The following NAA38 variants were observed in gnomAD, a reference collection of about 807,000 sequenced individuals.
NAA38 encodes LSM domain containing 1.
NAA38 carries 15 observed loss-of-function variants against 12.6 expected under a neutral mutation model. The ratio of observed to expected loss-of-function variants is 1.19; its 90% CI spans 0.79 to 1.83. The LOEUF (loss-of-function observed/expected upper bound fraction) is 1.83. Among genes scored for constraint, NAA38 ranks in the 40% most tolerant of loss-of-function variants. NAA38 has a pLI of 0.00. For missense variants in NAA38, 183 were observed against 171.7 expected (o/e 1.07, Z -0.37); for synonymous variants, 88 against 69.9 (o/e 1.26, Z -1.29).
chr17:7,864,771 G>A (rs577036843), intron 3 of NAA38: 1 of 152,090 alleles, frequency 6.6e-6, no homozygotes, highest in African/African-American at 2.4e-5. Flanking sequence ...GGTGGCAAGT[G>A]CCTATAATCT....
intron 3 of NAA38, chr17:7,863,087 G>A (rs1966900973): frequency 6.6e-6 from 1 of 152,148 alleles, no homozygotes; most frequent in South Asian, 2.1e-4. Context: ...TTACAGGTAT[G>A]GGAGTGTATG....
intron 2 of NAA38, among the ~76,000 whole-genome samples, chr17:7,870,077 A>G (rs1967060090): frequency 6.6e-6 from 1 of 152,208 alleles, no homozygotes; most frequent in Non-Finnish European, 1.5e-5. Context: ...AGGATTATTC[A>G]GTTTCCATCA....
At chr17:7,857,597 C>A (rs1256521676), upstream of NAA38, 2 of 1,380,044 alleles carry the variant, frequency 1.4e-6, no homozygotes, top group East Asian at 5.5e-5. Context: ...GTCTCCTCGG[C>A]AACGGCACAG....
At chr17:7,885,106 C>A (rs1299386067) in intron 1 of NAA38, 2 of 983,010 alleles carry the variant, frequency 2.0e-6, no homozygotes, top group African/African-American at 1.8e-5. Flanking sequence ...CCCGACTCCC[C>A]CCCCAAGCCC....
intron 3 of NAA38, chr17:7,863,704 A>G (rs2151388204): frequency 6.6e-6 from 1 of 152,230 alleles, no homozygotes; most frequent in East Asian, 1.9e-4. Context: ...ATGGTGCTAT[A>G]ATTTCCATCA....
At chr17:7,880,610 T>C (rs1057031847) in intron 2 of NAA38, among the ~76,000 whole-genome samples, 2 of 152,186 alleles carry the variant, frequency 1.3e-5, no homozygotes, top group Admixed American at 1.3e-4. Context: ...CACATGACCT[T>C]ACAGAATTCA....
At chr17:7,862,294 C>G (rs959000773), upstream of NAA38, 1 of 152,162 alleles carries the variant, frequency 6.6e-6, no homozygotes, top group Non-Finnish European at 1.5e-5. Flanking sequence ...GTTAAGTGAA[C>G]TCATCCGTCT....
At chr17:7,884,659 T>TGGGGGAGGCGGTGAGGA in intron 1 of NAA38, 1 of 223,234 alleles carries the variant, frequency 4.5e-6, no homozygotes. Context: ...TTTGGGGGGC[T>TGGGGGAGGCGGTGAGGA]GGGGGAGGCG....
intron 3 of NAA38, chr17:7,865,711 G>A (rs1966954666): frequency 6.6e-6 from 1 of 152,150 alleles, no homozygotes; most frequent in African/African-American, 2.4e-5. Flanking sequence ...TGTGGGATGT[G>A]AGACATAATT....
At chr17:7,865,827 T>C (rs965875900) in intron 3 of NAA38, 15 of 152,232 alleles carry the variant, frequency 9.9e-5, no homozygotes, top group Admixed American at 9.8e-4. Flanking sequence ...TGAAGGGTTG[T>C]GTGTAGGGGA....
In NAA38 at chr17:7,872,619, G is replaced by C. The variant is rs188832141; in HGVS notation, c.-65-6061C>G. 2.3e-4 allele frequency among the ~76,000 whole-genome samples: 35 copies of C among 152,262 alleles called. 1 individual carries two copies. The highest frequency in any genetic ancestry group is 2.3e-3 in the Admixed American group (35 of 15,304). On this transcript the variant is annotated intron_variant, in intron 2 of 4. Coordinates refer to the NAA38 transcript ENST00000576861. ...CTTGTGATCCGCCCACCTCGGCCTC[G>C]CAAAGTGCTGGGATTATAGGCCTGA...
chr17:7,878,667 A>T (rs1233952445), intron 2 of NAA38, among the ~76,000 whole-genome samples: 1 of 152,338 alleles, frequency 6.6e-6, no homozygotes, highest in Non-Finnish European at 1.5e-5. Flanking sequence ...CAGAGGTTGC[A>T]GTGAGCTGAG....
In NAA38 at chr17:7,870,407, G is replaced by A. The variant is rs145165071; in HGVS notation, c.-65-3849C>T. Among the ~76,000 whole-genome samples the A allele has an allele frequency of 3.5e-3, 534 of 152,266 alleles. 9 individuals carry two copies. The highest frequency in any genetic ancestry group is 6.0e-3 in the East Asian group (31 of 5,182). Reference sequence around the variant, plus strand: ...CCTTACTCAGTGAGAGCAAGGAAATGGATTTAGCTAAAAGGCAGCAATAGA... The same window carrying A: ...CCTTACTCAGTGAGAGCAAGGAAATAGATTTAGCTAAAAGGCAGCAATAGA... On this transcript the variant is annotated intron_variant, in intron 2 of 4. Transcript: ENST00000576861.
At chr17:7,857,271 G>T (rs753603844) in intron 1 of NAA38, 73 bp from the exon 2 acceptor site, 22 of 1,609,604 alleles carry the variant, frequency 1.4e-5, no homozygotes, top group Non-Finnish European at 1.9e-5. Context: ...GCTCCCGGCA[G>T]CCCGCGGGGC....
At chr17:7,879,618 T>G (rs145384587) in intron 2 of NAA38, among the ~76,000 whole-genome samples, 35 of 150,370 alleles carry the variant, frequency 2.3e-4, no homozygotes, top group African/African-American at 8.3e-4. Flanking sequence ...TTCTTTGTTC[T>G]CACCTTAATA....
upstream of NAA38, chr17:7,858,324 A>AGT (rs751775558): frequency 1.6e-5 from 26 of 1,611,662 alleles, no homozygotes; most frequent in Admixed American, 1.0e-4. Flanking sequence ...CCGGGGCCGG[A>AGT]GTGTGTGTGT....
chr17:7,856,921 G>A (rs900027177), intron 2 of NAA38, 78 bp from the exon 3 acceptor site: 13 of 1,592,286 alleles, frequency 8.2e-6, no homozygotes, highest in South Asian at 7.8e-5. Context: ...ACGAGCCCCA[G>A]AAAACAAGGG....
chr17:7,862,449 G>C (rs1032035207), upstream of NAA38: 2 of 152,026 alleles, frequency 1.3e-5, no homozygotes, highest in Non-Finnish European at 2.9e-5. Flanking sequence ...TTCCATAGAG[G>C]GTCTCTGGCC....
At position 7,856,740 on chromosome 17, in the gene NAA38, C is replaced by G. The variant is rs756085982; in HGVS notation, c.369G>C (p.Pro123=). 3 of 1,613,658 alleles carry G rather than the reference C, an allele frequency of 1.9e-6. No individual in the cohort carries two copies. The East Asian group carries it at 6.7e-5, about 36-fold the overall frequency. Residue 123 remains proline, a synonymous_variant, in exon 3 of 3, where the codon CCG becomes CCC. Coordinates refer to ENST00000575771, the MANE Select transcript of NAA38 (RefSeq NM_001320925.4). ...GTAAGCGCCATCGTGGTCAGAGATA[C>G]GGAGGCCCGGTCAGACTCTCCCTCT... The part of the protein sequence containing the change: ...EVQRESLTGP[P]YL
Sources: gnomAD v4.1 joint callset for allele counts (sites outside exome capture counted in the v4.1 genomes callset) on GRCh38, gnomAD v4.1.1 for gene constraint, MANE v1.5 for transcripts, NCBI Gene and HGNC (gene_info 2026-07-23, HGNC 2026-07-21) for gene names.